Variants in CLIC6 observed in about 807,000 individuals in gnomAD.
CLIC6 encodes the protein CLIC family member 6.
In CLIC6, 39 loss-of-function variants were observed where a neutral mutation model predicts 49.2. The observed-to-expected ratio is 0.79, with a 90% CI of 0.61 to 1.04. The LOEUF is 1.04. Among genes scored for constraint, CLIC6 ranks in the 50% least tolerant of loss-of-function variants. CLIC6 has a pLI of 0.00. For missense variants in CLIC6, 988 were observed against 993.1 expected, an observed-to-expected ratio of 0.99 and a Z score of 0.07; for synonymous variants, 446 against 433.4, an observed-to-expected ratio of 1.03 and a Z score of -0.36.
At position 34,716,862 on chromosome 21, in the gene CLIC6, T is replaced by TCTCTCTCTCTCA; in HGVS notation, c.*381_*382insTCTCTCTCTCAC. 3.8e-5 allele frequency: 5 copies of TCTCTCTCTCTCA among 131,634 alleles called. No homozygotes were observed. The highest frequency in any genetic ancestry group is 1.6e-4 in the African/African-American group (5 of 31,214). The allele number at this position is 131,634 out of a possible 1,614,324, so 8.2% of individuals were successfully genotyped here. A position where few individuals can be genotyped will look rare whatever the true frequency, so the allele number is the denominator to read the frequency against. On this transcript the variant is annotated 3_prime_UTR_variant, in exon 6 of 6. Transcript: ENST00000349499. ...CTCTCTCTCTCTCTCTCTCTCTCTA[T>TCTCTCTCTCTCA]CACACACACACACACACACACACAC...
chr21:34,669,303 C>T lies in CLIC6; in HGVS notation c.-86C>T, dbSNP rs1262605199. The T allele has an allele frequency of 6.4e-6, 7 of 1,094,746 alleles. No individual in the cohort carries two copies. The highest frequency in any genetic ancestry group is 4.8e-5 in the South Asian group (1 of 20,876). 67.8% of individuals were successfully genotyped at this position (1,094,746 alleles called of 1,614,324 possible). A position where few individuals can be genotyped will look rare whatever the true frequency, so the allele number is the denominator to read the frequency against. On this transcript the variant is annotated 5_prime_UTR_variant, in exon 1 of 6. Coordinates refer to ENST00000349499, the MANE Select transcript of CLIC6 (RefSeq NM_053277.3). The stretch of plus-strand genomic sequence containing the variant: ...GGCGTCCTTCAAGGAGCACAGAGGG[C>T]CCCGTAGCACGCCCCTTGCCCAGCG...
intron 1 of CLIC6, among the ~76,000 whole-genome samples, chr21:34,692,953 A>C (rs1430994221): frequency 6.6e-6 from 1 of 151,840 alleles, no homozygotes; most frequent in East Asian, 1.9e-4. Flanking sequence ...GGGTGACCCT[A>C]CTCTCCCACC....
chr21:34,690,229 G>T (rs56037873), intron 1 of CLIC6, among the ~76,000 whole-genome samples: 25,032 of 152,092 alleles, frequency 0.16, 2,259 homozygotes, highest in African/African-American at 0.24. Flanking sequence ...GATATCCAGC[G>T]GTGCAGGATC....
At chr21:34,675,733 C>T (rs1372571166) in intron 1 of CLIC6, among the ~76,000 whole-genome samples, 9 of 152,130 alleles carry the variant, frequency 5.9e-5, no homozygotes, top group Admixed American at 4.6e-4. Flanking sequence ...CATTGCCTCT[C>T]GGTTCTCACC....
intron 1 of CLIC6, among the ~76,000 whole-genome samples, chr21:34,694,258 C>T (rs912072198): frequency 1.1e-4 from 16 of 150,548 alleles, no homozygotes; most frequent in Non-Finnish European, 2.2e-4. Flanking sequence ...GGATTATAGG[C>T]GTGAGCCATC....
chr21:34,707,456 CA>C, intron 2 of CLIC6, 67 bp downstream of exon 2: 1 of 949,750 alleles, frequency 1.1e-6, no homozygotes, highest in Non-Finnish European at 1.7e-6. Flanking sequence ...CACACACACA[CA>C]CACACACACA....
Position 34,708,803 on chromosome 21 carries a change from G to C in CLIC6, c.1714G>C (p.Glu572Gln). The change falls in exon 4 of 6, where the codon GAG becomes CAG. Residue 572 changes from glutamate to glutamine, a missense_variant. This residue lies in a region of CLIC6 where 647 missense variants were observed against 596.9 expected (regional missense o/e 1.08). Coordinates refer to ENST00000349499, the MANE Select transcript of CLIC6 (RefSeq NM_053277.3). ...AAAAAACACGAAGAAGGATGCAAAT[G>C]AGAGTGAGTACCTCCCATCCTCCTG... Reference protein sequence around the residue: ...FIKNTKKDANEIHEKNLLKAL... With the variant: ...FIKNTKKDANQIHEKNLLKAL... 2 of 1,605,486 alleles carry C rather than the reference G, an allele frequency of 1.2e-6. No individual in the cohort carries two copies. The highest frequency in any genetic ancestry group is 1.1e-5 in the South Asian group (1 of 90,880).
Position 34,716,411 on chromosome 21 carries a change from T to G in CLIC6, c.1990T>G (p.Phe664Val). ...YLNNAYARDEFTNTCPADQEI... is the reference protein window; with the variant it reads ...YLNNAYARDEVTNTCPADQEI... ...GAATAATGCTTATGCTAGAGATGAG[T>G]TCACAAATACGTGTCCAGCTGATCA... The change falls in exon 6 of 6, where the codon TTC (phenylalanine) becomes GTC (valine). Residue 664 changes from phenylalanine (F) to valine (V), a missense_variant. Phe to Val is a conservative substitution (Grantham distance 50, BLOSUM62 -1). This residue lies in a region of CLIC6 where 647 missense variants were observed against 596.9 expected (regional missense o/e 1.08). Transcript: ENST00000349499. 6.2e-7 allele frequency: 1 copy of G among 1,613,922 alleles called. No homozygotes were observed. Among genetic ancestry groups the G allele is most frequent in the Non-Finnish European group, 8.5e-7 (1 of 1,179,864 alleles).
intron 1 of CLIC6, among the ~76,000 whole-genome samples, chr21:34,686,628 G>A (rs1042871891): frequency 2.0e-5 from 3 of 152,190 alleles, no homozygotes; most frequent in Non-Finnish European, 4.4e-5. Flanking sequence ...TGTCCTGCAA[G>A]ACTGTGTGGC....
intron 1 of CLIC6, among the ~76,000 whole-genome samples, chr21:34,689,670 C>T (rs1456213978): frequency 6.6e-6 from 1 of 151,878 alleles, no homozygotes; most frequent in Non-Finnish European, 1.5e-5. Flanking sequence ...GACACAGCTC[C>T]AGGGGCACTA....
intron 1 of CLIC6, among the ~76,000 whole-genome samples, chr21:34,671,976 C>T (rs981854149): frequency 2.6e-5 from 4 of 152,076 alleles, no homozygotes; most frequent in East Asian, 1.9e-4. Flanking sequence ...AGAGCTGGAG[C>T]GCAGTGCTGC....
chr21:34,679,196 T>G (rs555017226), intron 1 of CLIC6, among the ~76,000 whole-genome samples: 54 of 152,146 alleles, frequency 3.5e-4, no homozygotes, highest in Non-Finnish European at 6.6e-4. Context: ...CTCAGGAAAC[T>G]CACAATCACG....
chr21:34,674,300 C>G (rs564838506), intron 1 of CLIC6, among the ~76,000 whole-genome samples: 1 of 152,044 alleles, frequency 6.6e-6, no homozygotes, highest in East Asian at 1.9e-4. Context: ...CTTTTTTGCT[C>G]CAGAGGGTCT....
At chr21:34,673,003 C>T (rs1040541251) in intron 1 of CLIC6, among the ~76,000 whole-genome samples, 2 of 152,196 alleles carry the variant, frequency 1.3e-5, no homozygotes, top group Non-Finnish European at 2.9e-5. Flanking sequence ...GTTATCCCTG[C>T]CATTACTTAT....
intron 1 of CLIC6, among the ~76,000 whole-genome samples, chr21:34,683,898 C>T (rs993939241): frequency 1.1e-4 from 17 of 152,200 alleles, no homozygotes; most frequent in African/African-American, 4.1e-4. Context: ...AGAGGGAGAA[C>T]TGAAATGCTC....
rs1482708067 is a variant in CLIC6, at chr21:34,670,553, G to A, written c.1165G>A (p.Gly389Ser). The change falls in exon 1 of 6, where the codon GGC becomes AGC. Residue 389 changes from glycine (G) to serine (S), a missense_variant. Gly to Ser is a moderately conservative substitution (Grantham distance 56). Transcript: ENST00000349499. ...GCCAAGGGAGGAGGAAGCAGCGGGG[G>A]GCGAAGAGGAATCCCCCGACAGCAG... ...EGPREEEAAG[G>S]EEESPDSSPH... 3 of 1,500,776 alleles carry A rather than the reference G, an allele frequency of 2.0e-6. No homozygotes were observed. The highest frequency in any genetic ancestry group is 2.7e-6 in the Non-Finnish European group (3 of 1,125,636). The allele number at this position is 1,500,776 out of a possible 1,614,324, so 93.0% of individuals were successfully genotyped here.
intron 1 of CLIC6, among the ~76,000 whole-genome samples, chr21:34,699,436 T>A (rs13048764): frequency 6.1e-4 from 82 of 135,274 alleles, no homozygotes; most frequent in Admixed American, 1.6e-3. Flanking sequence ...TTTTTTTTTT[T>A]AATTTTTGGT....
In CLIC6 at chr21:34,717,468, T is replaced by C. The variant is rs894598369; in HGVS notation, c.*986T>C. On this transcript the variant is annotated 3_prime_UTR_variant, in exon 6 of 6. Coordinates refer to ENST00000349499, the MANE Select transcript of CLIC6 (RefSeq NM_053277.3). ...ATCAAGCAGGGAAAATCCAGGGAGA[T>C]TAAATTCATGGTGACAAGTCCTGGG... The C allele has an allele frequency of 6.6e-6, 1 of 152,092 alleles. No homozygotes were observed. Among genetic ancestry groups the C allele is most frequent in the Non-Finnish European group, 1.5e-5 (1 of 68,052 alleles). 9.4% of individuals were successfully genotyped at this position (152,092 alleles called of 1,614,324 possible).
chr21:34,699,707 C>T (rs757451326), intron 1 of CLIC6, among the ~76,000 whole-genome samples: 6 of 152,108 alleles, frequency 3.9e-5, no homozygotes, highest in Non-Finnish European at 8.8e-5. Flanking sequence ...ACTAGAGGTT[C>T]GTTGCCTCAT....
Sources: gnomAD v4.1 joint callset for allele counts (sites outside exome capture counted in the v4.1 genomes callset) on GRCh38, gnomAD v4.1.1 for gene constraint, gnomAD v4.1.1 regional missense constraint, MANE v1.5 for transcripts, NCBI Gene and HGNC (gene_info 2026-07-23, HGNC 2026-07-21) for gene names.